Variants in SPMIP2 observed in about 807,000 individuals in gnomAD.
The protein encoded by SPMIP2 is protein SPMIP2.
the SPMIP2 span, among the ~76,000 whole-genome samples, chr4:158,942,907 C>G: frequency 6.6e-6 from 1 of 152,178 alleles, no homozygotes; most frequent in Non-Finnish European, 1.5e-5. Context: ...TCCCCACCAA[C>G]CAGATGATAA....
chr4:158,959,910 T>C, the SPMIP2 span, among the ~76,000 whole-genome samples: 3 of 152,144 alleles, frequency 2.0e-5, no homozygotes, highest in African/African-American at 4.8e-5. Context: ...GCCAACAGCA[T>C]GAAATGAGTT....
At chr4:158,940,873 G>A in the SPMIP2 span, among the ~76,000 whole-genome samples, 1 of 152,216 alleles carries the variant, frequency 6.6e-6, no homozygotes, top group Non-Finnish European at 1.5e-5. Flanking sequence ...ATCTCTCCAA[G>A]TTTGGCTCCT....
the SPMIP2 span, among the ~76,000 whole-genome samples, chr4:159,020,822 C>T: frequency 6.6e-6 from 1 of 152,104 alleles, no homozygotes; most frequent in Non-Finnish European, 1.5e-5. Flanking sequence ...AGTGCAGTGG[C>T]GCTATCTCGG....
the SPMIP2 span, among the ~76,000 whole-genome samples, chr4:158,977,170 G>C: frequency 2.0e-5 from 3 of 152,138 alleles, no homozygotes; most frequent in African/African-American, 7.2e-5. Flanking sequence ...AGAAGGAATG[G>C]TACCAGCTCC....
the SPMIP2 span, among the ~76,000 whole-genome samples, chr4:159,005,785 G>A: frequency 2.6e-5 from 4 of 151,966 alleles, no homozygotes; most frequent in East Asian, 5.8e-4. Flanking sequence ...TTTTTTTTAA[G>A]AGGGAGTTTC....
chr4:159,027,325 T>C, the SPMIP2 span, among the ~76,000 whole-genome samples: 1,376 of 152,290 alleles, frequency 9.0e-3, 23 homozygotes, highest in African/African-American at 0.031. Flanking sequence ...TATCAGAAGA[T>C]CATTTCCAAC....
the SPMIP2 span, among the ~76,000 whole-genome samples, chr4:158,921,595 C>T: frequency 2.0e-5 from 3 of 152,164 alleles, no homozygotes; most frequent in Non-Finnish European, 2.9e-5. Flanking sequence ...TCTGAGCCCT[C>T]CCCAGAAGCA....
At chr4:158,934,650 CACCT>C in the SPMIP2 span, among the ~76,000 whole-genome samples, 24 of 152,228 alleles carry the variant, frequency 1.6e-4, no homozygotes, top group African/African-American at 5.1e-4. Context: ...TTTCCCTACC[CACCT>C]GTCACCCCTC....
the SPMIP2 span, among the ~76,000 whole-genome samples, chr4:158,940,789 T>A: frequency 6.6e-6 from 1 of 152,232 alleles, no homozygotes; most frequent in Non-Finnish European, 1.5e-5. Flanking sequence ...TGGATATGTA[T>A]GTATGATGTA....
the SPMIP2 span, among the ~76,000 whole-genome samples, chr4:158,921,761 C>G: frequency 6.6e-6 from 1 of 152,152 alleles, no homozygotes; most frequent in Non-Finnish European, 1.5e-5. Context: ...CCCAAGATCA[C>G]AGTGTTAAAC....
chr4:158,929,865 T>C, the SPMIP2 span, among the ~76,000 whole-genome samples: 12 of 152,350 alleles, frequency 7.9e-5, no homozygotes, highest in Admixed American at 7.8e-4. Context: ...ACCTATGTAG[T>C]TACCAGTGCC....
chr4:158,965,684 G>T, the SPMIP2 span, among the ~76,000 whole-genome samples: 1 of 134,986 alleles, frequency 7.4e-6, no homozygotes, highest in Non-Finnish European at 1.6e-5. Context: ...AAAAAAAAAA[G>T]GTACATAGTT....
chr4:159,015,679 T>A, the SPMIP2 span, among the ~76,000 whole-genome samples: 1 of 152,206 alleles, frequency 6.6e-6, no homozygotes, highest in African/African-American at 2.4e-5. Context: ...GTAATTTGTA[T>A]ATAAATATGA....
chr4:158,902,437 G>T, the SPMIP2 span, among the ~76,000 whole-genome samples: 1 of 152,220 alleles, frequency 6.6e-6, no homozygotes, highest in South Asian at 2.1e-4. Flanking sequence ...ACTGGGAGGT[G>T]TCTCCCAGTC....
At chr4:158,942,458 G>C in the SPMIP2 span, among the ~76,000 whole-genome samples, 12 of 152,126 alleles carry the variant, frequency 7.9e-5, no homozygotes, top group Non-Finnish European at 1.5e-4. Context: ...CCAGCATCGA[G>C]CATTGTATCA....
chr4:158,950,803 G>A, the SPMIP2 span, among the ~76,000 whole-genome samples: 1 of 152,174 alleles, frequency 6.6e-6, no homozygotes, highest in African/African-American at 2.4e-5. Context: ...GGCTGAGGCA[G>A]AATTGCTTGA....
the SPMIP2 span, among the ~76,000 whole-genome samples, chr4:158,966,794 T>C: frequency 6.6e-6 from 1 of 152,342 alleles, no homozygotes; most frequent in African/African-American, 2.4e-5. Context: ...TTGGGTCCTT[T>C]TTTTTCTTTC....
chr4:158,955,374 T>C, the SPMIP2 span, among the ~76,000 whole-genome samples: 1 of 152,190 alleles, frequency 6.6e-6, no homozygotes, highest in Non-Finnish European at 1.5e-5. Flanking sequence ...GTCTTTAAGA[T>C]ACAATTAATT....
the SPMIP2 span, among the ~76,000 whole-genome samples, chr4:159,018,176 A>C: frequency 6.6e-5 from 10 of 152,200 alleles, no homozygotes; most frequent in African/African-American, 2.4e-4. Flanking sequence ...GCAGGGAAGG[A>C]GCTGGAGTTC....
Sources: gnomAD v4.1 joint callset for allele counts (sites outside exome capture counted in the v4.1 genomes callset) on GRCh38, gnomAD v4.1.1 for gene constraint, MANE v1.5 for transcripts, NCBI Gene and HGNC (gene_info 2026-07-23, HGNC 2026-07-21) for gene names.